PAK3: variants seen among roughly 807,000 people sequenced by gnomAD.
The protein encoded by PAK3 is serine/threonine-protein kinase PAK 3.
PAK3 carries 4 observed loss-of-function variants against 41.0 expected under a neutral mutation model. The ratio of observed to expected loss-of-function variants is 0.10; its 90% CI spans 0.05 to 0.22. The LOEUF is 0.22. PAK3 is among the 10% of genes least tolerant of loss of function. The pLI, the probability that PAK3 is intolerant of heterozygous loss-of-function variation, is 1.00. For missense variants in PAK3, 205 were observed against 409.9 expected (o/e 0.50, Z 4.32); for synonymous variants, 146 against 139.6 (o/e 1.05, Z -0.32).
intron 10 of PAK3, among the ~76,000 whole-genome samples, chrX:111,165,477 G>C (rs895707636): frequency 9.0e-6 from 1 of 111,695 alleles, no homozygotes; most frequent in Non-Finnish European, 1.9e-5. Flanking sequence ...CCAATGTGTG[G>C]CACAACCAAA....
chrX:111,022,898 A>G (rs1775208801), intron 1 of PAK3, among the ~76,000 whole-genome samples: 2 of 110,772 alleles, frequency 1.8e-5, no homozygotes, highest in Non-Finnish European at 3.8e-5. Context: ...TTCTTTTTAT[A>G]TATATATATA....
chrX:111,210,351 G>T (rs1240356841), intron 16 of PAK3, among the ~76,000 whole-genome samples: 2 of 110,820 alleles, frequency 1.8e-5, no homozygotes, highest in African/African-American at 6.6e-5. Flanking sequence ...TTTCTGCATT[G>T]GCCATGTTTT....
rs151089917 is a variant in PAK3 at position 111,034,546 on chromosome X, C to T, written c.-27-88531C>T. ...CAGTCCTTCAGTAATTCCCCAGGTC[C>T]GAACCAGTATATTACAAAGGGCCAA... is the stretch of plus-strand genomic sequence containing the variant. On this transcript the variant is annotated intron_variant, in intron 1 of 14. Coordinates refer to the PAK3 transcript ENST00000425146. Among the ~76,000 whole-genome samples the T allele has an allele frequency of 4.2e-4, 47 of 111,602 alleles. 1 individual carries two copies. The highest frequency in any genetic ancestry group is 1.5e-3 in the African/African-American group (46 of 30,764).
chrX:111,073,190 A>G (rs1469801914), intron 1 of PAK3, among the ~76,000 whole-genome samples: 2 of 111,554 alleles, frequency 1.8e-5, no homozygotes, highest in East Asian at 5.6e-4. Flanking sequence ...GTGAAAATGG[A>G]CACATAACAT....
chrX:111,123,650 A>G (rs989136643), intron 5 of PAK3, among the ~76,000 whole-genome samples: 1 of 112,176 alleles, frequency 8.9e-6, no homozygotes, highest in Non-Finnish European at 1.9e-5. Context: ...GGGTATAGGT[A>G]GGTTTACTTC....
intron 10 of PAK3, among the ~76,000 whole-genome samples, chrX:111,164,413 C>A (rs1156461697): frequency 9.0e-6 from 1 of 111,007 alleles, no homozygotes; most frequent in African/African-American, 3.3e-5. Flanking sequence ...ATAAGTGCCC[C>A]CCCCAACCCC....
chrX:111,002,514 C>G (rs1164891702), intron 1 of PAK3, among the ~76,000 whole-genome samples: 1 of 111,732 alleles, frequency 8.9e-6, no homozygotes, highest in Admixed American at 9.5e-5. Context: ...AGGCCCGAAG[C>G]ATGTGGGGCA....
chrX:111,193,940 T>A (rs1322971003), intron 13 of PAK3, among the ~76,000 whole-genome samples: 1 of 111,527 alleles, frequency 9.0e-6, no homozygotes, highest in South Asian at 3.8e-4. Context: ...GGATAGAAAA[T>A]CTTGCTTCAC....
In PAK3 at chrX:110,971,368, A is replaced by G. The variant is rs1475176508; in HGVS notation, c.-28+26740A>G. On this transcript the variant is annotated intron_variant, in intron 1 of 14. Coordinates refer to the PAK3 transcript ENST00000425146. ...TGGCCTTTTGTGACTGGCTTCTTTC[A>G]CTTAGCATAATGTTTTCAAGGTTCA... Among the ~76,000 whole-genome samples the G allele has an allele frequency of 1.7e-4, 19 of 111,812 alleles. No homozygotes were observed. The Admixed American group carries it at 1.7e-3, about 10-fold the overall frequency.
At chrX:111,049,549 T>C (rs183516758) in intron 1 of PAK3, among the ~76,000 whole-genome samples, 207 of 112,042 alleles carry the variant, frequency 1.8e-3, no homozygotes, top group African/African-American at 6.4e-3. Flanking sequence ...AAATTGGTGG[T>C]AGTAGTAAGT....
chrX:111,133,214 T>C (rs2093743441), intron 5 of PAK3, among the ~76,000 whole-genome samples: 1 of 111,829 alleles, frequency 8.9e-6, no homozygotes, highest in Non-Finnish European at 1.9e-5. Context: ...CCTACTTATT[T>C]ATTGTGTCTT....
intron 5 of PAK3, among the ~76,000 whole-genome samples, chrX:111,129,065 G>A (rs1316772746): frequency 9.0e-6 from 1 of 111,173 alleles, no homozygotes; most frequent in Non-Finnish European, 1.9e-5. Context: ...CTATACAGCA[G>A]GAATCCTTGC....
chrX:111,199,364 A>G (rs1398832657), intron 16 of PAK3, among the ~76,000 whole-genome samples: 1 of 111,253 alleles, frequency 9.0e-6, no homozygotes, highest in Non-Finnish European at 1.9e-5. Context: ...ACATTTTTCT[A>G]ACATGCTTTG....
In PAK3 at chrX:111,099,200, C is replaced by T. The variant is rs138213248; in HGVS notation, c.-176+1516C>T. On this transcript the variant is annotated intron_variant, in intron 3 of 17. Transcript: ENST00000372007. ...CAGATATGCGTCGCTTCCTACCGCG[C>T]TCTGTGGCTTTGGAAGGCATTTGCA... Among the ~76,000 whole-genome samples, 10 of 112,618 alleles carry T rather than the reference C, an allele frequency of 8.9e-5. No individual in the cohort carries two copies. The East Asian group carries it at 2.5e-3, about 28-fold the overall frequency.
intron 4 of PAK3, among the ~76,000 whole-genome samples, chrX:111,112,927 A>G (rs180887248): frequency 1.1e-3 from 127 of 111,976 alleles, no homozygotes; most frequent in Non-Finnish European, 2.1e-3. Flanking sequence ...ATACAGTTCT[A>G]AAAATGCTTT....
chrX:111,153,677 C>T (rs1485827490), intron 8 of PAK3, among the ~76,000 whole-genome samples: 1 of 111,633 alleles, frequency 9.0e-6, no homozygotes, highest in African/African-American at 3.3e-5. Context: ...CCCTGGGTAG[C>T]CAGTATGACA....
intron 1 of PAK3, among the ~76,000 whole-genome samples, chrX:111,083,461 A>G (rs1201017441): frequency 1.8e-5 from 2 of 111,980 alleles, no homozygotes; most frequent in Non-Finnish European, 1.9e-5. Flanking sequence ...TCAAATCATT[A>G]TTCATTCCAT....
At chrX:110,973,778 TAA>T (rs1263720182) in intron 1 of PAK3, among the ~76,000 whole-genome samples, 1 of 111,720 alleles carries the variant, frequency 9.0e-6, no homozygotes, top group Non-Finnish European at 1.9e-5. Flanking sequence ...GCAAATTGGA[TAA>T]AGAGTCAAGA....
intron 1 of PAK3, among the ~76,000 whole-genome samples, chrX:111,089,008 T>C (rs191031350): frequency 8.9e-6 from 1 of 111,770 alleles, no homozygotes. Flanking sequence ...GAGAAAAATA[T>C]TGACATTCAG....
Sources: gnomAD v4.1 joint callset for allele counts (sites outside exome capture counted in the v4.1 genomes callset) on GRCh38, gnomAD v4.1.1 for gene constraint, MANE v1.5 for transcripts, NCBI Gene and HGNC (gene_info 2026-07-23, HGNC 2026-07-21) for gene names.